ALK: variants seen among roughly 807,000 people sequenced by gnomAD.
The protein encoded by ALK is ALK tyrosine kinase receptor.
ALK carries 74 observed loss-of-function variants against 163.1 expected under a neutral mutation model. The ratio of observed to expected loss-of-function variants is 0.45; its 90% CI spans 0.38 to 0.55. The LOEUF is 0.55. Among genes scored for constraint, ALK ranks in the 20% least tolerant of loss-of-function variants. The probability of loss-of-function intolerance (pLI) is 0.00; values close to 1 mark genes in which losing one functional copy is unlikely to be tolerated. For missense variants in ALK, 2,063 were observed against 2,105.3 expected, an observed-to-expected ratio of 0.98 and a Z score of 0.39; for synonymous variants, 960 against 843.2, an observed-to-expected ratio of 1.14 and a Z score of -2.40.
chr2:29,653,624 T>G (rs1677095569), intron 3 of ALK, among the ~76,000 whole-genome samples: 1 of 152,126 alleles, frequency 6.6e-6, no homozygotes, highest in South Asian at 2.1e-4. Flanking sequence ...GGACCAGATA[T>G]GGATTGGATG....
chr2:29,237,515 G>C (rs1664416555), intron 13 of ALK, among the ~76,000 whole-genome samples: 1 of 152,088 alleles, frequency 6.6e-6, no homozygotes, highest in Admixed American at 6.5e-5. Flanking sequence ...GCCTTTGCTG[G>C]GGTCACTGTT....
chr2:29,216,921 A>G (rs1465792282), intron 23 of ALK, among the ~76,000 whole-genome samples: 11 of 46,190 alleles, frequency 2.4e-4, no homozygotes. Context: ...ATATGTCTTT[A>G]TGGTGTGTGG....
chr2:29,212,885 A>G (rs1558616511), intron 24 of ALK, among the ~76,000 whole-genome samples: 1 of 152,036 alleles, frequency 6.6e-6, no homozygotes. Context: ...TTGTATTTTT[A>G]GTAGACATGG....
intron 4 of ALK, among the ~76,000 whole-genome samples, chr2:29,526,004 T>C (rs760416647): frequency 3.3e-5 from 5 of 152,160 alleles, no homozygotes; most frequent in Non-Finnish European, 1.5e-5. Flanking sequence ...TCAATGGGAC[T>C]GGTACTTTGG....
chr2:29,453,686 T>C (rs1395265117), intron 4 of ALK, among the ~76,000 whole-genome samples: 1 of 151,448 alleles, frequency 6.6e-6, no homozygotes, highest in Non-Finnish European at 1.5e-5. Context: ...GAAGGAAAGA[T>C]GGAATAGGAG....
chr2:29,912,090 CA>C (rs1667719340), intron 1 of ALK, among the ~76,000 whole-genome samples: 1 of 151,516 alleles, frequency 6.6e-6, no homozygotes, highest in East Asian at 1.9e-4. Context: ...AGAAAAATTT[CA>C]AAAAAAGAAA....
chr2:29,623,399 G>C (rs541767729), intron 3 of ALK, among the ~76,000 whole-genome samples: 1 of 152,034 alleles, frequency 6.6e-6, no homozygotes, highest in Non-Finnish European at 1.5e-5. Context: ...TGTCAAATGT[G>C]GAAAAGAATT....
At chr2:29,260,824 ACT>A (rs1446744540) in intron 11 of ALK, among the ~76,000 whole-genome samples, 2 of 147,286 alleles carry the variant, frequency 1.4e-5, no homozygotes, top group Admixed American at 7.0e-5. Flanking sequence ...ACAGAGGGAG[ACT>A]CTGCCTCAAA....
chr2:29,516,784 A>G (rs1004242026), intron 4 of ALK, among the ~76,000 whole-genome samples: 4 of 152,196 alleles, frequency 2.6e-5, no homozygotes, highest in African/African-American at 9.6e-5. Context: ...ATTTAGAACA[A>G]TGTCCAGCAT....
intron 4 of ALK, among the ~76,000 whole-genome samples, chr2:29,500,064 C>A (rs1672128159): frequency 1.3e-5 from 2 of 152,192 alleles, no homozygotes; most frequent in South Asian, 2.1e-4. Flanking sequence ...CTCAACATGG[C>A]TCCTTCCCCA....
At chr2:29,320,914 T>G (rs754277469) in intron 6 of ALK, 32 bp from the exon 7 acceptor site, 1 of 1,614,094 alleles carries the variant, frequency 6.2e-7, no homozygotes, top group East Asian at 2.2e-5. Context: ...ACCATCATTT[T>G]CAGGACCACT....
At chr2:29,369,342 C>A (rs1403544448) in intron 5 of ALK, among the ~76,000 whole-genome samples, 1 of 143,290 alleles carries the variant, frequency 7.0e-6, no homozygotes, top group Non-Finnish European at 1.5e-5. Flanking sequence ...GTGTTGGTCT[C>A]CTAATGAGAA....
chr2:29,637,669 G>A (rs1397004758), intron 3 of ALK, among the ~76,000 whole-genome samples: 2 of 135,496 alleles, frequency 1.5e-5, no homozygotes, highest in Admixed American at 8.2e-5. Context: ...ACATTGCACC[G>A]CCGCACTCCA....
At position 29,692,632 on chromosome 2, in the gene ALK, G is replaced by T. The variant is rs958229936; in HGVS notation, c.952+2218C>A. ...ATCTAATGCGGCAGCTGATCTGACA[G>T]GAGGCGGAGCTCAGGCAGTAATGCT... On this transcript the variant is annotated intron_variant, in intron 3 of 28. Transcript: ENST00000389048. Among the ~76,000 whole-genome samples the T allele has an allele frequency of 3.9e-5, 6 of 152,246 alleles. No individual in the cohort carries two copies. In the East Asian group the frequency reaches 1.2e-3, roughly 29 times the overall value.
chr2:29,506,215 G>A (rs1300060571), intron 4 of ALK, among the ~76,000 whole-genome samples: 1 of 152,120 alleles, frequency 6.6e-6, no homozygotes, highest in African/African-American at 2.4e-5. Flanking sequence ...ATCAAACTTT[G>A]GGCATTTAAT....
intron 1 of ALK, among the ~76,000 whole-genome samples, chr2:29,795,519 C>T (rs1664286829): frequency 1.3e-5 from 2 of 151,978 alleles, no homozygotes; most frequent in Admixed American, 6.6e-5. Flanking sequence ...AGCTTTTTTG[C>T]ATAAGAATAT....
chr2:29,559,982 C>T (rs115785779), intron 3 of ALK, among the ~76,000 whole-genome samples: 3,010 of 152,108 alleles, frequency 0.02, 42 homozygotes, highest in African/African-American at 0.041. Context: ...GATTTTGAAG[C>T]CTTGGGTTTT....
chr2:29,259,865 A>T (rs901039619), intron 11 of ALK, among the ~76,000 whole-genome samples: 3 of 152,038 alleles, frequency 2.0e-5, no homozygotes, highest in Non-Finnish European at 4.4e-5. Flanking sequence ...TCTTTCAATT[A>T]TTTCTATGTT....
At chr2:29,645,839 T>A (rs1220113295) in intron 3 of ALK, among the ~76,000 whole-genome samples, 2 of 152,104 alleles carry the variant, frequency 1.3e-5, no homozygotes, top group Non-Finnish European at 2.9e-5. Context: ...TACCTCATCA[T>A]CCTTTCTTTA....
Sources: gnomAD v4.1 joint callset for allele counts (sites outside exome capture counted in the v4.1 genomes callset) on GRCh38, gnomAD v4.1.1 for gene constraint, MANE v1.5 for transcripts, NCBI Gene and HGNC (gene_info 2026-07-23, HGNC 2026-07-21) for gene names.